The following CACNA2D3 variants were observed in gnomAD, a reference collection of about 807,000 sequenced individuals.
CACNA2D3 encodes calcium voltage-gated channel auxiliary subunit alpha2delta 3, also known as voltage-dependent calcium channel subunit alpha-2/delta-3.
CACNA2D3 carries 60 observed loss-of-function variants against 160.6 expected under a neutral mutation model. The ratio of observed to expected loss-of-function variants is 0.37; its 90% CI spans 0.30 to 0.46. The LOEUF is 0.46. CACNA2D3 is among the 20% of genes least tolerant of loss of function. CACNA2D3 has a pLI of 1.00. For synonymous variants in CACNA2D3, 558 were observed against 492.9 expected (o/e 1.13, Z -1.75); for missense variants, 1,205 against 1,365.0 (o/e 0.88, Z 1.85).
chr3:54,486,046 C>G lies in CACNA2D3; in HGVS notation c.382-17446C>G, dbSNP rs376576454. ...ATTTCAGCCTATTCCGGGCTAGTCT[C>G]TGAACAGAAAGACATAGACAGGGAG... On this transcript the variant is annotated intron_variant, in intron 4 of 37. Coordinates refer to ENST00000474759, the MANE Select transcript of CACNA2D3 (RefSeq NM_018398.3). Among the ~76,000 whole-genome samples, 10 of 152,290 alleles carry G rather than the reference C, an allele frequency of 6.6e-5. No individual in the cohort carries two copies. The East Asian group carries it at 1.9e-3, about 29-fold the overall frequency.
chr3:54,470,931 A>G (rs890338485), intron 4 of CACNA2D3, among the ~76,000 whole-genome samples: 3 of 152,220 alleles, frequency 2.0e-5, no homozygotes, highest in African/African-American at 4.8e-5. Context: ...TTAGAGACCT[A>G]CAAAGAGACT....
intron 9 of CACNA2D3, among the ~76,000 whole-genome samples, chr3:54,627,416 G>C (rs1395870684): frequency 2.0e-5 from 3 of 152,190 alleles, no homozygotes; most frequent in Non-Finnish European, 2.9e-5. Context: ...TTGAGAGTGG[G>C]TTCCCAGTGG....
intron 4 of CACNA2D3, among the ~76,000 whole-genome samples, chr3:54,456,497 A>G (rs903587841): frequency 6.6e-6 from 1 of 151,936 alleles, no homozygotes; most frequent in African/African-American, 2.4e-5. Flanking sequence ...ATATAAGATC[A>G]TCTGCAAACA....
intron 2 of CACNA2D3, among the ~76,000 whole-genome samples, chr3:54,206,739 T>G (rs1488733363): frequency 6.6e-6 from 1 of 152,214 alleles, no homozygotes; most frequent in Non-Finnish European, 1.5e-5. Context: ...GCATTTCCTT[T>G]TCCTGTTTCC....
chr3:54,773,370 A>G (rs1003723444), intron 13 of CACNA2D3, among the ~76,000 whole-genome samples: 7 of 152,214 alleles, frequency 4.6e-5, no homozygotes, highest in Admixed American at 6.5e-5. Flanking sequence ...ACTGCTGCAT[A>G]TCAAAGAAGT....
intron 9 of CACNA2D3, among the ~76,000 whole-genome samples, chr3:54,593,831 T>C (rs1425156329): frequency 6.6e-6 from 1 of 152,222 alleles, no homozygotes; most frequent in East Asian, 1.9e-4. Flanking sequence ...TTCACAGTGA[T>C]TCAAATGATG....
chr3:54,968,653 T>C (rs1167781757), intron 28 of CACNA2D3, 142 bp downstream of exon 28: 1 of 638,604 alleles, frequency 1.6e-6, no homozygotes. Context: ...TTACCTTTCA[T>C]TTCACTGCAA....
chr3:54,335,794 A>T (rs1477623204), intron 3 of CACNA2D3, among the ~76,000 whole-genome samples: 1 of 151,974 alleles, frequency 6.6e-6, no homozygotes, highest in Non-Finnish European at 1.5e-5. Context: ...TCATGAGGTC[A>T]GGAGATCTAG....
chr3:54,152,268 T>C (rs1407801827), intron 2 of CACNA2D3, among the ~76,000 whole-genome samples: 1 of 152,232 alleles, frequency 6.6e-6, no homozygotes, highest in Non-Finnish European at 1.5e-5. Flanking sequence ...GGCATTGTGC[T>C]GTGGTTGAGT....
intron 14 of CACNA2D3, among the ~76,000 whole-genome samples, chr3:54,824,523 C>G (rs1171737829): frequency 6.6e-6 from 1 of 152,144 alleles, no homozygotes; most frequent in African/African-American, 2.4e-5. Context: ...GCAGAAGGGA[C>G]GCATTCCACT....
intron 2 of CACNA2D3, among the ~76,000 whole-genome samples, chr3:54,294,335 A>G (rs979572477): frequency 2.0e-5 from 3 of 152,180 alleles, no homozygotes; most frequent in Non-Finnish European, 4.4e-5. Context: ...TGGGTATGCG[A>G]CAAAGTTTTT....
rs187956695 is a variant in CACNA2D3, at chr3:54,306,874, A to G, written c.205-13568A>G. Among the ~76,000 whole-genome samples the G allele has an allele frequency of 1.9e-4, 29 of 152,340 alleles. No individual in the cohort carries two copies. The Middle Eastern group carries it at 0.01, about 54-fold the overall frequency. ...GAGACATTTTGTACTAAGCCCCAGC[A>G]TGTTCAAAGAACTGGACTCAGTGGG... On this transcript the variant is annotated intron_variant, in intron 2 of 37. Transcript: ENST00000474759.
intron 2 of CACNA2D3, among the ~76,000 whole-genome samples, chr3:54,199,297 A>G (rs923175965): frequency 3.3e-5 from 5 of 152,044 alleles, no homozygotes; most frequent in Non-Finnish European, 4.4e-5. Context: ...TCATCTTGTC[A>G]TCTTACCTCT....
At chr3:54,927,928 G>A (rs1451028602) in intron 27 of CACNA2D3, 1 of 1,613,496 alleles carries the variant, frequency 6.2e-7, no homozygotes, top group Non-Finnish European at 8.5e-7. Flanking sequence ...GTCTCCTTGG[G>A]CGTCCTTGCT....
At chr3:54,532,342 T>A (rs1701818649) in intron 5 of CACNA2D3, among the ~76,000 whole-genome samples, 1 of 152,210 alleles carries the variant, frequency 6.6e-6, no homozygotes, top group African/African-American at 2.4e-5. Flanking sequence ...TAACAATATG[T>A]TAACAAGTAC....
In CACNA2D3 at chr3:55,007,812, C is replaced by T. The variant is rs751066960; in HGVS notation, c.2789C>T (p.Ala930Val). The T allele has an allele frequency of 4.5e-6, 7 of 1,562,772 alleles. No homozygotes were observed. Among genetic ancestry groups the T allele is most frequent in the Non-Finnish European group, 6.0e-6 (7 of 1,157,042 alleles). ...LLDPYNAFLS[A>V]VKWIMTELVL... ...CAGCCTTATAATGCCTTCCTCTCTG[C>T]AGTAAAATGGATCATGACAGAACTT... is the stretch of plus-strand genomic sequence containing the variant. Residue 930 changes from alanine to valine, a missense_variant, in exon 33 of 38, where the codon GCA becomes GTA. By Grantham distance (64) the Ala-to-Val change is moderately conservative. Coordinates refer to ENST00000474759, the MANE Select transcript of CACNA2D3 (RefSeq NM_018398.3).
At chr3:54,377,242 TACCTCTGG>T (rs1365367639) in intron 3 of CACNA2D3, among the ~76,000 whole-genome samples, 1 of 152,250 alleles carries the variant, frequency 6.6e-6, no homozygotes, top group Non-Finnish European at 1.5e-5. Context: ...TCACAGATTT[TACCTCTGG>T]AACTGAAAGA....
intron 4 of CACNA2D3, among the ~76,000 whole-genome samples, chr3:54,493,367 G>A (rs930012152): frequency 2.0e-5 from 3 of 152,198 alleles, no homozygotes; most frequent in East Asian, 3.9e-4. Context: ...GTGAGCAACC[G>A]CGCATGGCCT....
chr3:54,234,903 T>C (rs1297406618), intron 2 of CACNA2D3, among the ~76,000 whole-genome samples: 2 of 152,026 alleles, frequency 1.3e-5, no homozygotes, highest in African/African-American at 4.8e-5. Flanking sequence ...AAGATAACTA[T>C]TGGGTACTGG....
Sources: allele counts gnomAD v4.1 joint callset (sites outside exome capture counted in the v4.1 genomes callset), GRCh38; gene constraint gnomAD v4.1.1; transcripts MANE v1.5; gene names NCBI Gene and HGNC (gene_info 2026-07-23, HGNC 2026-07-21).